Variants in RASA3 observed in about 807,000 individuals in gnomAD.
The protein encoded by RASA3 is RAS p21 protein activator 3, also known as ras GTPase-activating protein 3.
Under a neutral mutation model 110.0 loss-of-function variants are expected in RASA3, and 73 were observed. That is an observed-to-expected ratio of 0.66 (90% confidence interval 0.55 to 0.81). The LOEUF (loss-of-function observed/expected upper bound fraction) is 0.81, where lower values mean the gene tolerates loss of function less well. Ranked by LOEUF, RASA3 falls within the 30% of genes least tolerant of loss-of-function variation. RASA3 has a pLI of 0.00. For synonymous variants in RASA3, 500 were observed against 451.4 expected (o/e 1.11, Z -1.37); for missense variants, 976 against 1,113.2 (o/e 0.88, Z 1.75).
At chr13:114,039,261 G>A (rs74116439) in intron 4 of RASA3, among the ~76,000 whole-genome samples, 3,449 of 151,956 alleles carry the variant, frequency 0.023, 132 homozygotes, top group African/African-American at 0.078. Flanking sequence ...CCGCTGTGCA[G>A]CAACACTACA....
chr13:114,080,563 T>C (rs2079767536), intron 1 of RASA3, among the ~76,000 whole-genome samples: 2 of 149,182 alleles, frequency 1.3e-5, no homozygotes, highest in Non-Finnish European at 3.0e-5. Context: ...TTCAATGTAA[T>C]TGAAACTTCC....
At chr13:114,069,659 C>T (rs190965009) in intron 2 of RASA3, among the ~76,000 whole-genome samples, 889 of 38,392 alleles carry the variant, frequency 0.023, 52 homozygotes, top group Admixed American at 0.032. Flanking sequence ...CTCGGGGAGC[C>T]GGGAAACTGA....
Position 113,996,085 on chromosome 13 carries a change from GGGCCC to G in RASA3, c.2141+441_2141+445del, listed in dbSNP as rs1441318467. 2.2e-3 allele frequency among the ~76,000 whole-genome samples: 329 copies of G among 148,566 alleles called. 2 individuals carry two copies. The highest frequency in any genetic ancestry group is 3.4e-3 in the Non-Finnish European group (227 of 66,546). On this transcript the variant is annotated intron_variant, in intron 21 of 23. Transcript: ENST00000334062. ...GCTGATGGGGGGCCCGGCTGATGGG[GGGCCC>G]GGCTGATGGGGACCCGGCTGATGGG...
intron 3 of RASA3, among the ~76,000 whole-genome samples, chr13:114,042,684 CA>C (rs1264296553): frequency 6.6e-6 from 1 of 152,232 alleles, no homozygotes; most frequent in African/African-American, 2.4e-5. Flanking sequence ...TTCTCTCTTC[CA>C]AGGAAGATCC....
At position 114,040,959 on chromosome 13, in the gene RASA3, T is replaced by TC. The variant is rs1475454563; in HGVS notation, c.372+40dup. 4 of 1,594,266 alleles carry TC rather than the reference T, an allele frequency of 2.5e-6. No homozygotes were observed. The African/African-American group carries it at 4.0e-5, about 16-fold the overall frequency. On this transcript the variant is annotated intron_variant, in intron 4 of 23. Transcript: ENST00000334062. ...GGGCCCGTCTCGAAGCCCCATGGTG[T>TC]CCCAGGGCTCTGGTTTCCGGGGCTG...
intron 14 of RASA3, among the ~76,000 whole-genome samples, chr13:114,013,742 CT>C (rs2053707344): frequency 6.9e-5 from 1 of 14,428 alleles, no homozygotes; most frequent in African/African-American, 1.0e-3. Flanking sequence ...CTGTCTCTGG[CT>C]CTCTCTCTCT....
At chr13:114,024,217 A>G in intron 8 of RASA3, 62 bp downstream of exon 8, 18 of 1,456,588 alleles carry the variant, frequency 1.2e-5, no homozygotes, top group Non-Finnish European at 1.7e-5. Flanking sequence ...ACAAAGAACA[A>G]AAGAGCTGAG....
In RASA3 at chr13:114,096,918, C is replaced by T. The variant is rs74357070; in HGVS notation, c.56-23081G>A. 0.014 allele frequency among the ~76,000 whole-genome samples: 2,141 copies of T among 152,318 alleles called. 135 individuals carry two copies. Among genetic ancestry groups the T allele is most frequent in the Admixed American group, 0.1 (1,545 of 15,300 alleles). The stretch of plus-strand genomic sequence containing the variant: ...GCCAACATGTGCGCCTTTGAACATG[C>T]GTTCTCTCCGCCTGCAGTGCCCTCC... On this transcript the variant is annotated intron_variant, in intron 1 of 23. Coordinates refer to ENST00000334062, the MANE Select transcript of RASA3 (RefSeq NM_007368.4). This position sits in a 1 kb window ranked among gnomAD's most constrained non-coding sequence, Gnocchi z 5.1.
chr13:114,102,208 C>T (rs1281500421), intron 1 of RASA3, among the ~76,000 whole-genome samples: 1 of 152,172 alleles, frequency 6.6e-6, no homozygotes, highest in East Asian at 1.9e-4. Context: ...ACAGGATCCA[C>T]AGCGGGCGGG....
At chr13:114,002,083 A>AC (rs2053417783) in intron 18 of RASA3, among the ~76,000 whole-genome samples, 1 of 152,176 alleles carries the variant, frequency 6.6e-6, no homozygotes, top group Non-Finnish European at 1.5e-5. Flanking sequence ...CCTGACCAGA[A>AC]CCGGCGGCCG....
intron 4 of RASA3, among the ~76,000 whole-genome samples, chr13:114,036,912 T>C (rs1236707092): frequency 2.0e-5 from 3 of 152,290 alleles, no homozygotes; most frequent in East Asian, 3.9e-4. Flanking sequence ...TTGGGCGGCG[T>C]TGGGGCTGAC....
chr13:114,021,476 A>G lies in RASA3; in HGVS notation c.713T>C (p.Phe238Ser). ...TAGTTCTCCCAGGAATTCATCTCCA[A>G]ACTTCAGGTTACTGGCATTCCAGAG... Reference protein sequence around the residue: ...VDLWNASNLKFGDEFLGELRI... With the variant: ...VDLWNASNLKSGDEFLGELRI... The change falls in exon 9 of 24, where the codon TTT becomes TCT. Residue 238 changes from phenylalanine to serine, a missense_variant. By Grantham distance (155) the Phe-to-Ser change is radical. Around this residue, in one of 4 missense-constraint regions of RASA3, gnomAD observed 732 missense variants for 779.7 expected, o/e 0.94. Coordinates refer to ENST00000334062, the MANE Select transcript of RASA3 (RefSeq NM_007368.4). The G allele has an allele frequency of 6.2e-7, 1 of 1,614,010 alleles. No homozygotes were observed. Among genetic ancestry groups the G allele is most frequent in the Non-Finnish European group, 8.5e-7 (1 of 1,180,016 alleles).
chr13:114,026,773 C>T lies in RASA3; in HGVS notation c.603+616G>A, dbSNP rs74940102. On this transcript the variant is annotated intron_variant, in intron 7 of 23. Coordinates refer to ENST00000334062, the MANE Select transcript of RASA3 (RefSeq NM_007368.4). ...ATGGGAAGAACATCTGCCTAAAGGC[C>T]CTGCACACAGCTGTCCCCAAACCGC... Among the ~76,000 whole-genome samples the T allele has an allele frequency of 3.0e-3, 464 of 152,314 alleles. 2 individuals are homozygous for T. Among genetic ancestry groups the T allele is most frequent in the African/African-American group, 0.01 (435 of 41,572 alleles).
chr13:113,988,798 C>T (rs1161019463), intron 22 of RASA3, among the ~76,000 whole-genome samples: 2 of 142,730 alleles, frequency 1.4e-5, no homozygotes, highest in Non-Finnish European at 3.0e-5. Flanking sequence ...TGCCCATCCA[C>T]CCATCACTCA....
chr13:113,996,660 A>G lies in RASA3; in HGVS notation c.2012T>C (p.Ile671Thr). ...NCVEAKDWID[I>T]LTKVSQCNQK... is the part of the protein sequence containing the mutation. Reference sequence around the variant, plus strand: ...GTTGCACTGGCTCACTTTGGTGAGAATGTCGATCCAGTCCTTGGCCTCCAC... The same window carrying G: ...GTTGCACTGGCTCACTTTGGTGAGAGTGTCGATCCAGTCCTTGGCCTCCAC... Residue 671 changes from isoleucine to threonine, a missense_variant, in exon 21 of 24, where the codon ATT becomes ACT. Physicochemically the swap from Ile to Thr is moderately conservative, Grantham distance 89. Coordinates refer to ENST00000334062, the MANE Select transcript of RASA3 (RefSeq NM_007368.4). 1 of 1,613,804 alleles carries G rather than the reference A, an allele frequency of 6.2e-7. No homozygotes were observed. The highest frequency in any genetic ancestry group is 1.6e-4 in the Middle Eastern group (1 of 6,062).
chr13:114,015,463 C>A, intron 13 of RASA3, 131 bp from the exon 14 acceptor site: 1 of 1,091,010 alleles, frequency 9.2e-7, no homozygotes, highest in Non-Finnish European at 1.3e-6. Flanking sequence ...GGCAGTGAGA[C>A]ACGTGTGAAC....
At chr13:114,049,552 C>T (rs955893900) in intron 3 of RASA3, among the ~76,000 whole-genome samples, 8 of 152,318 alleles carry the variant, frequency 5.3e-5, no homozygotes, top group East Asian at 1.9e-4. Flanking sequence ...TTAGGGTTGT[C>T]GCTCAAAAAA....
chr13:114,099,524 C>T (rs967295626), intron 1 of RASA3, among the ~76,000 whole-genome samples: 34 of 151,758 alleles, frequency 2.2e-4, no homozygotes, highest in East Asian at 3.9e-4. Context: ...TCACACAGCG[C>T]GTCTCCCTCC....
At chr13:114,040,496 A>G (rs542180688) in intron 4 of RASA3, among the ~76,000 whole-genome samples, 1 of 132,784 alleles carries the variant, frequency 7.5e-6, no homozygotes, top group South Asian at 2.6e-4. Flanking sequence ...CTCCGAGCAC[A>G]AGCGGGCGAA....
Sources: gnomAD v4.1 joint callset for allele counts (sites outside exome capture counted in the v4.1 genomes callset) on GRCh38, gnomAD v4.1.1 for gene constraint, gnomAD v4.1.1 regional missense constraint, Gnocchi (gnomAD v3.1) non-coding constraint, MANE v1.5 for transcripts, NCBI Gene and HGNC (gene_info 2026-07-23, HGNC 2026-07-21) for gene names.